MCTP2: variants seen among roughly 807,000 people sequenced by gnomAD.
The protein encoded by MCTP2 is multiple C2 and transmembrane domain-containing protein 2.
MCTP2 carries 132 observed loss-of-function variants against 111.6 expected under a neutral mutation model. That is an observed-to-expected ratio of 1.18 (90% CI 1.03 to 1.37). The LOEUF is 1.37. Among genes scored for constraint, MCTP2 ranks in the 40% most tolerant of loss-of-function variants. The pLI is 0.00. For missense variants in MCTP2, 1,183 were observed against 1,067.9 expected (o/e 1.11, Z -1.50); for synonymous variants, 395 against 387.7 (o/e 1.02, Z -0.22).
At chr15:94,388,710 G>A (rs998099412) in intron 14 of MCTP2, among the ~76,000 whole-genome samples, 23 of 152,084 alleles carry the variant, frequency 1.5e-4, no homozygotes, top group Admixed American at 9.8e-4. Flanking sequence ...CTTGGCATGT[G>A]CTGAACCATC....
chr15:94,309,413 AT>A (rs2152352199), intron 2 of MCTP2, among the ~76,000 whole-genome samples: 1 of 152,246 alleles, frequency 6.6e-6, no homozygotes, highest in South Asian at 2.1e-4. Flanking sequence ...GTTCAGCCAA[AT>A]TTTTACTCTT....
intron 17 of MCTP2, among the ~76,000 whole-genome samples, chr15:94,439,604 T>C (rs1408055165): frequency 6.6e-6 from 1 of 152,204 alleles, no homozygotes; most frequent in African/African-American, 2.4e-5. Flanking sequence ...TGCCTTTCTA[T>C]GTGAGGAGTC....
chr15:94,311,134 C>A (rs527818827), intron 2 of MCTP2, among the ~76,000 whole-genome samples: 2 of 151,658 alleles, frequency 1.3e-5, no homozygotes, highest in African/African-American at 4.8e-5. Flanking sequence ...AGGTGACTCT[C>A]CTGCCTCAGC....
chr15:94,382,368 C>T (rs964509903), intron 12 of MCTP2, among the ~76,000 whole-genome samples: 7 of 152,182 alleles, frequency 4.6e-5, no homozygotes, highest in South Asian at 4.1e-4. Flanking sequence ...GGACCATTTC[C>T]ATTGTTTGCA....
chr15:94,452,782 T>C (rs2084547414), intron 19 of MCTP2, among the ~76,000 whole-genome samples: 1 of 152,222 alleles, frequency 6.6e-6, no homozygotes, highest in African/African-American at 2.4e-5. Flanking sequence ...GAAGCTACCA[T>C]ACTTTGATAA....
In MCTP2 at chr15:94,480,224, T is replaced by C. The variant is rs541904856; in HGVS notation, c.*1190T>C. 6.6e-6 allele frequency: 1 copy of C among 152,230 alleles called. No individual in the cohort carries two copies. The highest frequency in any genetic ancestry group is 2.1e-4 in the South Asian group (1 of 4,832). 9.4% of individuals were successfully genotyped at this position (152,230 alleles called of 1,614,324 possible). ...TAAATGATATTTAAGTTTTAAAGAC[T>C]GTATTTTGTTGACACATACTTTGTG... On this transcript the variant is annotated 3_prime_UTR_variant, in exon 23 of 23. Transcript: ENST00000357742.
intron 2 of MCTP2, among the ~76,000 whole-genome samples, chr15:94,304,898 C>T (rs924696591): frequency 2.6e-5 from 4 of 152,156 alleles, no homozygotes; most frequent in African/African-American, 7.2e-5. Flanking sequence ...GGCGTGACCT[C>T]TCCCTTTTTC....
At chr15:94,443,594 G>T (rs2083915558) in intron 19 of MCTP2, among the ~76,000 whole-genome samples, 1 of 152,160 alleles carries the variant, frequency 6.6e-6, no homozygotes, top group African/African-American at 2.4e-5. Flanking sequence ...GGAAGCTTGT[G>T]CAGAGGAAAG....
chr15:94,317,013 T>C (rs558413496), intron 4 of MCTP2, among the ~76,000 whole-genome samples: 1 of 152,318 alleles, frequency 6.6e-6, no homozygotes, highest in East Asian at 1.9e-4. Flanking sequence ...TTCTTCAGCT[T>C]GATCTTCAGC....
In MCTP2 at chr15:94,476,760, C is replaced by CGG; in HGVS notation, c.2535_2536insGG (p.Phe846GlyfsTer18). 1.2e-6 allele frequency: 2 copies of CGG among 1,608,150 alleles called. No individual in the cohort carries two copies. The highest frequency in any genetic ancestry group is 1.7e-6 in the Non-Finnish European group (2 of 1,174,674). Reference sequence around the variant, plus strand: ...CCATCGACAATAATGAGCTACTAGACTTCCTCTCTAGGGTACCGTCTGATG... The same window carrying CGG: ...CCATCGACAATAATGAGCTACTAGACGGTTCCTCTCTAGGGTACCGTCTGATG... On this transcript the variant is annotated frameshift_variant, in exon 22 of 23. Coordinates refer to ENST00000357742, the MANE Select transcript of MCTP2 (RefSeq NM_001385001.1). LOFTEE classifies it high-confidence loss of function.
intron 2 of MCTP2, among the ~76,000 whole-genome samples, chr15:94,307,559 C>G (rs1372215805): frequency 6.6e-6 from 1 of 152,152 alleles, no homozygotes; most frequent in African/African-American, 2.4e-5. Flanking sequence ...TAGGGCGTTC[C>G]TATCTTGTCA....
chr15:94,310,120 T>C (rs781267873), intron 2 of MCTP2, among the ~76,000 whole-genome samples: 1 of 152,214 alleles, frequency 6.6e-6, no homozygotes, highest in Admixed American at 6.5e-5. Flanking sequence ...ATCCCCAGGA[T>C]GGAACACTAC....
chr15:94,460,889 G>C (rs900830528), intron 20 of MCTP2, among the ~76,000 whole-genome samples: 1 of 152,192 alleles, frequency 6.6e-6, no homozygotes, highest in African/African-American at 2.4e-5. Context: ...GTGGGATGTC[G>C]TGTGTAATTC....
At chr15:94,340,979 C>T (rs776301732) in intron 7 of MCTP2, 55 bp downstream of exon 7, 1 of 1,121,624 alleles carries the variant, frequency 8.9e-7, no homozygotes, top group South Asian at 1.3e-5. Flanking sequence ...TTTGAAATGG[C>T]TCATTGCAAT....
chr15:94,303,405 G>A (rs1228769592), intron 2 of MCTP2, among the ~76,000 whole-genome samples: 1 of 152,030 alleles, frequency 6.6e-6, no homozygotes, highest in East Asian at 1.9e-4. Flanking sequence ...CACACTGGCA[G>A]CTGATTAGAT....
chr15:94,422,348 G>A (rs568379813), intron 17 of MCTP2, among the ~76,000 whole-genome samples: 18 of 152,274 alleles, frequency 1.2e-4, no homozygotes, highest in Admixed American at 2.0e-4. Flanking sequence ...GTTAGTGAGT[G>A]AGTGTAAGGG....
chr15:94,297,300 C>A (rs565753637), intron 1 of MCTP2, among the ~76,000 whole-genome samples: 4 of 152,168 alleles, frequency 2.6e-5, no homozygotes, highest in Non-Finnish European at 5.9e-5. Flanking sequence ...TCTGTAATTA[C>A]GTATTTACTG....
intron 17 of MCTP2, among the ~76,000 whole-genome samples, chr15:94,438,936 A>G (rs1024472620): frequency 6.6e-6 from 1 of 152,170 alleles, no homozygotes; most frequent in Non-Finnish European, 1.5e-5. Flanking sequence ...GAAATCAAGC[A>G]GGAAAAAAAT....
intron 17 of MCTP2, among the ~76,000 whole-genome samples, chr15:94,433,675 A>T (rs550052738): frequency 1.3e-5 from 2 of 152,346 alleles, no homozygotes; most frequent in East Asian, 3.9e-4. Flanking sequence ...AAACTGCCAT[A>T]CAGTTTTTCA....
Sources: gnomAD v4.1 joint callset for allele counts (sites outside exome capture counted in the v4.1 genomes callset) on GRCh38, gnomAD v4.1.1 for gene constraint, MANE v1.5 for transcripts, NCBI Gene and HGNC (gene_info 2026-07-23, HGNC 2026-07-21) for gene names.